Variants in TBX2 observed in about 807,000 individuals in gnomAD.
TBX2 encodes T-box transcription factor TBX2.
In TBX2, 19 loss-of-function variants were observed where a neutral mutation model predicts 48.4. That is an observed-to-expected ratio of 0.39 (90% CI 0.27 to 0.58). The LOEUF (loss-of-function observed/expected upper bound fraction) is 0.58, where lower values mean the gene tolerates loss of function less well. Among genes scored for constraint, TBX2 ranks in the 20% least tolerant of loss-of-function variants. The pLI, the probability that TBX2 is intolerant of heterozygous loss-of-function variation, is 0.54. For synonymous variants in TBX2, 522 were observed against 459.7 expected (o/e 1.14, Z -1.73); for missense variants, 994 against 1,006.5 (o/e 0.99, Z 0.17).
chr17:61,408,128 C>T lies in TBX2; in HGVS notation c.1761C>T (p.Ala587=), dbSNP rs759251207. 1.1e-5 allele frequency: 18 copies of T among 1,610,282 alleles called. No individual in the cohort carries two copies. In the South Asian group the frequency reaches 1.8e-4, roughly 16 times the overall value. The stretch of plus-strand genomic sequence containing the variant: ...ACATGGCAGCAGCAGCCGCAGCCGC[C>T]TCGGCTTTGCCCGCCACTAGTGCTG... The part of the protein sequence containing the change: ...YTYMAAAAAA[A]SALPATSAAA... The change falls in exon 7 of 7, where the codon GCC becomes GCT. Residue 587 remains alanine (A), a synonymous_variant. Coordinates refer to ENST00000240328, the MANE Select transcript of TBX2 (RefSeq NM_005994.4).
chr17:61,400,661 C>A lies in TBX2; in HGVS notation c.395+90C>A. ...GGATCAGAGCAGAGCTGGGGACTCC[C>A]GGCTCCCGGCTCCCGGCTCCAGGTT... On this transcript the variant is annotated intron_variant, in intron 1 of 6. Transcript: ENST00000240328. This position sits in a 1 kb window ranked among gnomAD's most constrained non-coding sequence, Gnocchi z 9.2. 1.7e-6 allele frequency: 2 copies of A among 1,166,096 alleles called. No homozygotes were observed. The highest frequency in any genetic ancestry group is 1.6e-5 in the South Asian group (1 of 60,798). 72.2% of individuals were successfully genotyped at this position (1,166,096 alleles called of 1,614,324 possible).
At position 61,408,219 on chromosome 17, in the gene TBX2, C is replaced by T; in HGVS notation, c.1852C>T (p.Arg618Ter). The T allele has an allele frequency of 6.2e-7, 1 of 1,612,908 alleles. No homozygotes were observed. The highest frequency in any genetic ancestry group is 8.5e-7 in the Non-Finnish European group (1 of 1,179,914). The change falls in exon 7 of 7, where the codon CGA (arginine) becomes TGA (stop). Residue 618 changes from arginine to a stop codon, truncating the protein, a stop_gained. Coordinates refer to ENST00000240328, the MANE Select transcript of TBX2 (RefSeq NM_005994.4). LOFTEE classifies it high-confidence loss of function. ...CCCCTTCCTGGGCAGTGCCCGGCCCCGACTGCGTTTCAGCCCCTATCAGAT... is the reference window on the plus strand; with the variant it reads ...CCCCTTCCTGGGCAGTGCCCGGCCCTGACTGCGTTTCAGCCCCTATCAGAT... Reference protein sequence around the residue: ...RSPFLGSARPRLRFSPYQIPV... With the variant: ...RSPFLGSARP
rs965626119 is a variant in TBX2, at chr17:61,405,266, G to C, written c.1116G>C (p.Ala372=). 1.4e-5 allele frequency: 22 copies of C among 1,570,380 alleles called. No individual in the cohort carries two copies. The highest frequency in any genetic ancestry group is 1.9e-5 in the Non-Finnish European group (22 of 1,166,272). The change falls in exon 6 of 7, where the codon GCG becomes GCC. Residue 372 remains alanine (A), a synonymous_variant. Transcript: ENST00000240328. The stretch of plus-strand genomic sequence containing the variant: ...CTGAGCGGTTGAGCGAGGAGCGTGC[G>C]GGGGCGCCGCTAGGCCGCAGCCCGG... ...PEPERLSEER[A]GAPLGRSPAP... is the part of the protein sequence containing the mutation.
rs930801186 is a variant in TBX2, at chr17:61,403,490, G to A, written c.810+283G>A. 2.0e-5 allele frequency among the ~76,000 whole-genome samples: 3 copies of A among 152,252 alleles called. No homozygotes were observed. Among genetic ancestry groups the A allele is most frequent in the African/African-American group, 7.2e-5 (3 of 41,470 alleles). The stretch of plus-strand genomic sequence containing the variant: ...TTACTTAACAATTAGCTGAGACTCC[G>A]GGCCCGCGCTGACATTTTTACATTT... On this transcript the variant is annotated intron_variant, in intron 3 of 6. Transcript: ENST00000240328. The surrounding 1 kb of genome is among the most constrained non-coding windows in gnomAD (Gnocchi z 5.8).
intron 2 of TBX2, 53 bp downstream of exon 2, chr17:61,402,004 G>C: frequency 6.5e-7 from 1 of 1,535,956 alleles, no homozygotes; most frequent in South Asian, 1.3e-5. Flanking sequence ...ACCCAGCACT[G>C]CAGCTGAGCA....
Position 61,406,055 on chromosome 17 carries a change from G to A in TBX2, c.1686+219G>A. On this transcript the variant is annotated intron_variant, in intron 6 of 6. Coordinates refer to ENST00000240328, the MANE Select transcript of TBX2 (RefSeq NM_005994.4). The surrounding 1 kb of genome is among the most constrained non-coding windows in gnomAD (Gnocchi z 5.7). ...AGGGGCTGGCCAGGGCGCCGCTTCT[G>A]ACTCCCGTGTGACCTTTGGCAAGTC... 2.3e-6 allele frequency: 1 copy of A among 426,186 alleles called. No homozygotes were observed. The highest frequency in any genetic ancestry group is 3.9e-6 in the Non-Finnish European group (1 of 255,314). The allele number at this position is 426,186 out of a possible 1,614,324, so 26.4% of individuals were successfully genotyped here.
At chr17:61,407,324 CCA>C (rs959366141) in intron 6 of TBX2, 1 of 152,310 alleles carries the variant, frequency 6.6e-6, no homozygotes, top group African/African-American at 2.4e-5. Flanking sequence ...GCCCTCCTCC[CCA>C]TACCCACTAG....
chr17:61,407,466 C>T (rs2143736524), intron 6 of TBX2: 1 of 152,530 alleles, frequency 6.6e-6, no homozygotes, highest in South Asian at 2.1e-4. Context: ...ATTCCTTCCT[C>T]AGCTGCCAGT....
At chr17:61,404,870 G>A in intron 5 of TBX2, 101 bp downstream of exon 5, 1 of 1,480,538 alleles carries the variant, frequency 6.8e-7, no homozygotes, top group Non-Finnish European at 9.1e-7. Flanking sequence ...TGAAAGGCCA[G>A]GAAGGAAACG....
intron 6 of TBX2, chr17:61,407,610 C>T (rs1009499133): frequency 2.5e-5 from 4 of 160,398 alleles, no homozygotes; most frequent in Non-Finnish European, 5.4e-5. Context: ...CCTTCCCCAG[C>T]ATGTGTGCCC....
At chr17:61,405,144 G>T in intron 5 of TBX2, 58 bp from the exon 6 acceptor site, 1 of 1,470,466 alleles carries the variant, frequency 6.8e-7, no homozygotes, top group South Asian at 1.4e-5. Flanking sequence ...GAGTGTCCCT[G>T]ATCCTGCTCG....
In TBX2 at chr17:61,401,827, C is replaced by G. The variant is rs1445727717; in HGVS notation, c.539C>G (p.Pro180Arg). The change falls in exon 2 of 7, where the codon CCT (proline) becomes CGT (arginine). Residue 180 changes from proline to arginine, a missense_variant. Around this residue, in one of 5 missense-constraint regions of TBX2, gnomAD observed 153 missense variants for 166.2 expected, o/e 0.92. Transcript: ENST00000240328. ...TGGATGGTGGCGGGCAAGGCCGACC[C>G]TGAGATGCCCAAACGCATGTACATC... The part of the protein sequence containing the change: ...SRWMVAGKAD[P>R]EMPKRMYIHP... 1 of 1,613,098 alleles carries G rather than the reference C, an allele frequency of 6.2e-7. No homozygotes were observed. Among genetic ancestry groups the G allele is most frequent in the Non-Finnish European group, 8.5e-7 (1 of 1,180,024 alleles).
At position 61,402,279 on chromosome 17, in the gene TBX2, C is replaced by A. The variant is rs6504042; in HGVS notation, c.663+328C>A. ...CTGCAGTGCTGGACCACGGAGGTCA[C>A]CCTGCTCTTGGCCTGTAGGTGCCGA... On this transcript the variant is annotated intron_variant, in intron 2 of 6. Transcript: ENST00000240328. Among the ~76,000 whole-genome samples, 672 of 152,358 alleles carry A rather than the reference C, an allele frequency of 4.4e-3. 1 individual carries two copies. The highest frequency in any genetic ancestry group is 0.015 in the African/African-American group (641 of 41,580).
At chr17:61,402,737 GT>G (rs1330866341) in intron 2 of TBX2, among the ~76,000 whole-genome samples, 2 of 151,452 alleles carry the variant, frequency 1.3e-5, no homozygotes, top group East Asian at 1.9e-4. Context: ...TTTTTGGTTG[GT>G]TTTTTTGTTT....
chr17:61,400,860 C>T lies in TBX2; in HGVS notation c.395+289C>T, dbSNP rs892175449. On this transcript the variant is annotated intron_variant, in intron 1 of 6. Transcript: ENST00000240328. The surrounding 1 kb of genome is among the most constrained non-coding windows in gnomAD (Gnocchi z 9.2). The stretch of plus-strand genomic sequence containing the variant: ...TTCTGAGTCCCAGCGCAGAGGAGGC[C>T]CCGCGGCTTGGCCCTGGCGGTCTCC... Among the ~76,000 whole-genome samples the T allele has an allele frequency of 6.6e-6, 1 of 152,230 alleles. No individual in the cohort carries two copies. The highest frequency in any genetic ancestry group is 1.5e-5 in the Non-Finnish European group (1 of 68,038).
rs781328546 is a variant in TBX2, at chr17:61,403,021, G to T, written c.664-40G>T. ...CCCAAAGAATAGAAAAGCTCGGGCC[G>T]GGGCTGGTGGCTGCCGGCTGACCCC... On this transcript the variant is annotated intron_variant, in intron 2 of 6. Transcript: ENST00000240328. This position sits in a 1 kb window ranked among gnomAD's most constrained non-coding sequence, Gnocchi z 5.8. 6.3e-7 allele frequency: 1 copy of T among 1,577,528 alleles called. No homozygotes were observed.
chr17:61,408,338 C>A lies in TBX2; in HGVS notation c.1971C>A (p.Ser657Arg), dbSNP rs762527982. The A allele has an allele frequency of 3.8e-5, 61 of 1,602,714 alleles. No homozygotes were observed. The highest frequency in any genetic ancestry group is 4.7e-5 in the Non-Finnish European group (55 of 1,175,610). Reference sequence around the variant, plus strand: ...CTGGTGGAAACAGCCGGGAGCCTAGCCCCCTGCCCGAGCTGGCTCTCCGCA... The same window carrying A: ...CTGGTGGAAACAGCCGGGAGCCTAGACCCCTGCCCGAGCTGGCTCTCCGCA... ...KAAGGNSREP[S>R]PLPELALRKV... Residue 657 changes from serine to arginine, a missense_variant, in exon 7 of 7, where the codon AGC becomes AGA. By Grantham distance (110) the Ser-to-Arg change is moderately radical. Transcript: ENST00000240328.
At position 61,405,677 on chromosome 17, in the gene TBX2, T is replaced by G. The variant is rs763332540; in HGVS notation, c.1527T>G (p.Gly509=). ...GCGCCTTCTCCGCCATGGGCATGGG[T>G]CACCTACTGGCCTCGGTGGCAGGCG... ...GPGAFSAMGM[G]HLLASVAGGG... The change falls in exon 6 of 7, where the codon GGT becomes GGG. Residue 509 remains glycine (G), a synonymous_variant. Transcript: ENST00000240328. The G allele has an allele frequency of 7.0e-6, 10 of 1,433,144 alleles. No individual in the cohort carries two copies. The South Asian group carries it at 1.1e-4, about 15-fold the overall frequency. The allele number at this position is 1,433,144 out of a possible 1,614,324, so 88.8% of individuals were successfully genotyped here.
chr17:61,402,970 G>GAGAGA (rs1555876931), intron 2 of TBX2, 91 bp from the exon 3 acceptor site: 1 of 101,436 alleles, frequency 9.9e-6, no homozygotes, highest in Non-Finnish European at 1.7e-5. Context: ...GAGAGAGAGA[G>GAGAGA]AAAGTGGAGA....
Sources: allele counts gnomAD v4.1 joint callset (sites outside exome capture counted in the v4.1 genomes callset), GRCh38; gene constraint gnomAD v4.1.1; regional missense constraint gnomAD v4.1.1; non-coding constraint Gnocchi (gnomAD v3.1); transcripts MANE v1.5; gene names NCBI Gene and HGNC (gene_info 2026-07-23, HGNC 2026-07-21).